Variants in MGRN1 observed in about 807,000 individuals in gnomAD.
MGRN1 encodes the protein E3 ubiquitin-protein ligase MGRN1.
In MGRN1, 29 loss-of-function variants were observed where a neutral mutation model predicts 69.2. The ratio of observed to expected loss-of-function variants is 0.42; its 90% CI spans 0.31 to 0.57. MGRN1 has a LOEUF of 0.57. MGRN1 is among the 20% of genes least tolerant of loss of function. The pLI is 0.15. For missense variants in MGRN1, 998 were observed against 796.2 expected (o/e 1.25, Z -3.05); for synonymous variants, 470 against 344.2 (o/e 1.37, Z -4.04).
At chr16:4,675,392 A>G (rs1026508872) in intron 10 of MGRN1, among the ~76,000 whole-genome samples, 2 of 152,198 alleles carry the variant, frequency 1.3e-5, no homozygotes, top group Non-Finnish European at 2.9e-5. Context: ...GGCATGAGCC[A>G]CCATGGCCAG....
At chr16:4,643,784 G>A (rs1293074145) in intron 1 of MGRN1, among the ~76,000 whole-genome samples, 1 of 152,060 alleles carries the variant, frequency 6.6e-6, no homozygotes, top group African/African-American at 2.4e-5. Flanking sequence ...TGTTTTGAAT[G>A]GCCATTACTA....
At chr16:4,628,469 A>G (rs1405846956) in intron 1 of MGRN1, among the ~76,000 whole-genome samples, 1 of 151,480 alleles carries the variant, frequency 6.6e-6, no homozygotes, top group East Asian at 1.9e-4. Flanking sequence ...AATTGCAGAC[A>G]TTTCCCTTGT....
Position 4,682,199 on chromosome 16 carries a change from G to A in MGRN1, c.1358+423G>A, listed in dbSNP as rs754132888. ...AAACTCAGGACCTGACAGTGACCCA[G>A]GCACACTCACTGCTCTTGCCGTTCG... On this transcript the variant is annotated intron_variant, in intron 13 of 16. Transcript: ENST00000262370. Among the ~76,000 whole-genome samples, 108 of 152,250 alleles carry A rather than the reference G, an allele frequency of 7.1e-4. 2 individuals are homozygous for A. The highest frequency in any genetic ancestry group is 2.2e-4 in the Non-Finnish European group (15 of 68,044).
At chr16:4,687,750 G>T in intron 16 of MGRN1, 1 of 985,466 alleles carries the variant, frequency 1.0e-6, no homozygotes, top group Non-Finnish European at 1.2e-6. Flanking sequence ...CTGCTGGGAG[G>T]TGCCTGGCCG....
At chr16:4,642,691 G>T (rs13336572) in intron 1 of MGRN1, among the ~76,000 whole-genome samples, 3,099 of 151,320 alleles carry the variant, frequency 0.02, 108 homozygotes, top group African/African-American at 0.069. Context: ...AACTCCTGAC[G>T]GCAGACCTCA....
chr16:4,625,264 C>A lies in MGRN1; in HGVS notation c.88+216C>A, dbSNP rs1346566688. On this transcript the variant is annotated intron_variant, in intron 1 of 16. Transcript: ENST00000262370. ...GAGCCGTACCTGGCGCTGCTACTGC[C>A]CGGCTTGGGTGACCTTGGGGCAGTC... Among the ~76,000 whole-genome samples, 14 of 152,328 alleles carry A rather than the reference C, an allele frequency of 9.2e-5. 1 individual carries two copies. In the East Asian group the frequency reaches 2.7e-3, roughly 29 times the overall value.
intron 5 of MGRN1, among the ~76,000 whole-genome samples, chr16:4,658,363 G>A (rs1031363308): frequency 2.0e-5 from 3 of 151,280 alleles, no homozygotes; most frequent in Admixed American, 6.6e-5. Context: ...GTGAAACCCC[G>A]TCTCTACTAA....
intron 9 of MGRN1, 152 bp downstream of exon 9, chr16:4,671,611 C>G (rs79097337): frequency 1.4e-6 from 1 of 693,430 alleles, no homozygotes; most frequent in Admixed American, 2.7e-5. Flanking sequence ...TTTTTTAAAG[C>G]TAACAGTTTA....
At chr16:4,657,174 G>A (rs1272094377) in intron 4 of MGRN1, 72 bp from the exon 5 acceptor site, 49 of 1,406,776 alleles carry the variant, frequency 3.5e-5, no homozygotes, top group African/African-American at 1.1e-4. Context: ...TCCAGCTGTC[G>A]GAGTGGGAGG....
At chr16:4,627,155 G>A (rs1054983406) in intron 1 of MGRN1, among the ~76,000 whole-genome samples, 2 of 152,198 alleles carry the variant, frequency 1.3e-5, no homozygotes, top group Non-Finnish European at 2.9e-5. Context: ...ACCGGGGACC[G>A]TGGAGACATT....
At chr16:4,664,573 A>G (rs2078755543) in intron 5 of MGRN1, 136 bp from the exon 6 acceptor site, 2 of 831,418 alleles carry the variant, frequency 2.4e-6, no homozygotes, top group South Asian at 3.1e-5. Context: ...CTTCCCTGCC[A>G]TCTCGAGGCG....
At position 4,668,502 on chromosome 16, in the gene MGRN1, C is replaced by G. The variant is rs569635024; in HGVS notation, c.726+190C>G. 2.0e-5 allele frequency among the ~76,000 whole-genome samples: 3 copies of G among 152,026 alleles called. No homozygotes were observed. In the East Asian group the frequency reaches 5.8e-4, roughly 29 times the overall value. On this transcript the variant is annotated intron_variant, in intron 8 of 16. Coordinates refer to ENST00000262370, the MANE Select transcript of MGRN1 (RefSeq NM_015246.4). Reference sequence around the variant, plus strand: ...ATACATACCATCAGACACTCACATTCACACATATATAGACACATAAACACA... The same window carrying G: ...ATACATACCATCAGACACTCACATTGACACATATATAGACACATAAACACA...
intron 5 of MGRN1, among the ~76,000 whole-genome samples, chr16:4,660,610 G>C (rs994229622): frequency 1.3e-5 from 2 of 152,236 alleles, no homozygotes; most frequent in Non-Finnish European, 2.9e-5. Context: ...GCAGGGGCGC[G>C]GGGGTGGATG....
Position 4,673,504 on chromosome 16 carries a change from G to T in MGRN1, c.802G>T (p.Asp268Tyr). 6.2e-7 allele frequency: 1 copy of T among 1,612,546 alleles called. No homozygotes were observed. Among genetic ancestry groups the T allele is most frequent in the Non-Finnish European group, 8.5e-7 (1 of 1,179,908 alleles). ...NKNNQETKPSDDENSDNSNEC... is the reference protein window; with the variant it reads ...NKNNQETKPSYDENSDNSNEC... ...CAAGCCCTTGTCCCGGCAGCCCTCG[G>T]ACGACGAGAACAGCGACAACAGCAA... Residue 268 changes from aspartate (D) to tyrosine (Y), a missense_variant, in exon 10 of 17, where the codon GAC becomes TAC. Asp to Tyr is a radical substitution (Grantham distance 160, BLOSUM62 -3). Coordinates refer to ENST00000262370, the MANE Select transcript of MGRN1 (RefSeq NM_015246.4).
intron 8 of MGRN1, among the ~76,000 whole-genome samples, chr16:4,670,761 C>T (rs1380444314): frequency 6.6e-6 from 1 of 152,166 alleles, no homozygotes; most frequent in Non-Finnish European, 1.5e-5. Flanking sequence ...CTGCAGGTAC[C>T]AGGGGAACAG....
intron 1 of MGRN1, among the ~76,000 whole-genome samples, chr16:4,639,333 G>C (rs2078106353): frequency 6.6e-6 from 1 of 152,164 alleles, no homozygotes. Flanking sequence ...GTCCAGGCTG[G>C]CCTCACCGCG....
At chr16:4,637,204 C>T (rs1419225993) in intron 1 of MGRN1, among the ~76,000 whole-genome samples, 24 of 149,952 alleles carry the variant, frequency 1.6e-4, no homozygotes, top group Non-Finnish European at 1.9e-4. Flanking sequence ...CTGAGGCGGG[C>T]AGATCACCTC....
At chr16:4,657,440 G>A in intron 5 of MGRN1, 77 bp downstream of exon 5, 1 of 1,382,554 alleles carries the variant, frequency 7.2e-7, no homozygotes, top group South Asian at 1.2e-5. Context: ...CAGCACAGTG[G>A]GGTCTGTGTG....
rs1243101376 is a variant in MGRN1 at position 4,690,781 on chromosome 16, T to A, written c.*1873T>A. On this transcript the variant is annotated 3_prime_UTR_variant, in exon 17 of 17. Transcript: ENST00000262370. Reference sequence around the variant, plus strand: ...CTCCCCAACAACACACACAGCCCCCTGCACCGCCCGCCCCCCGCCCCCACC... The same window carrying A: ...CTCCCCAACAACACACACAGCCCCCAGCACCGCCCGCCCCCCGCCCCCACC... 5.6e-5 allele frequency: 1 copy of A among 17,798 alleles called. No homozygotes were observed. The highest frequency in any genetic ancestry group is 5.8e-4 in the Admixed American group (1 of 1,720). The allele number at this position is 17,798 out of a possible 1,614,324, so 1.1% of individuals were successfully genotyped here.
Sources: allele counts gnomAD v4.1 joint callset (sites outside exome capture counted in the v4.1 genomes callset), GRCh38; gene constraint gnomAD v4.1.1; transcripts MANE v1.5; gene names NCBI Gene and HGNC (gene_info 2026-07-23, HGNC 2026-07-21).